The following TNRC6B variants were observed in gnomAD, a reference collection of about 807,000 sequenced individuals.
TNRC6B encodes trinucleotide repeat containing adaptor 6B.
TNRC6B carries 52 observed loss-of-function variants against 203.6 expected under a neutral mutation model. That is an observed-to-expected ratio of 0.26 (90% CI 0.20 to 0.32). The LOEUF (loss-of-function observed/expected upper bound fraction) is 0.32. Ranked by LOEUF, TNRC6B falls within the 10% of genes least tolerant of loss-of-function variation. The pLI is 1.00. For missense variants in TNRC6B, 1,923 were observed against 2,286.2 expected (o/e 0.84, Z 3.24); for synonymous variants, 838 against 845.7 (o/e 0.99, Z 0.16).
chr22:40,257,904 C>G (rs529270813), intron 3 of TNRC6B, among the ~76,000 whole-genome samples: 1 of 151,638 alleles, frequency 6.6e-6, no homozygotes, highest in South Asian at 2.1e-4. Context: ...ACGCCAGCTA[C>G]TCGGGAGGCT....
At chr22:40,316,374 A>G (rs1299138610) in intron 21 of TNRC6B, among the ~76,000 whole-genome samples, 2 of 149,266 alleles carry the variant, frequency 1.3e-5, no homozygotes, top group African/African-American at 5.0e-5. Context: ...ACAAAAAAAA[A>G]AGAGGTAAAG....
rs1342261709 is a variant in TNRC6B at position 40,332,839 on chromosome 22, A to G, written c.*9598A>G. ...TGTAAATAGCAGGATAACTTTAAAA[A>G]ACATTTTCTTTGCTGTGAAAGTAAC... On this transcript the variant is annotated 3_prime_UTR_variant, in exon 23 of 23. Coordinates refer to ENST00000454349, the MANE Select transcript of TNRC6B (RefSeq NM_001162501.2). 1 of 152,668 alleles carries G rather than the reference A, an allele frequency of 6.6e-6. No homozygotes were observed. The highest frequency in any genetic ancestry group is 1.5e-5 in the Non-Finnish European group (1 of 68,048). The allele number at this position is 152,668 out of a possible 1,614,324, so 9.5% of individuals were successfully genotyped here.
chr22:40,127,672 G>C (rs571113574), intron 3 of TNRC6B, among the ~76,000 whole-genome samples: 2 of 152,122 alleles, frequency 1.3e-5, no homozygotes, highest in Non-Finnish European at 2.9e-5. Flanking sequence ...AAGACTTCGA[G>C]ACCAGCCTAG....
At position 40,287,543 on chromosome 22, in the gene TNRC6B, C is replaced by T. The variant is rs963441985; in HGVS notation, c.3708+1773C>T. Among the ~76,000 whole-genome samples, 7 of 152,136 alleles carry T rather than the reference C, an allele frequency of 4.6e-5. No individual in the cohort carries two copies. The South Asian group carries it at 1.5e-3, about 32-fold the overall frequency. On this transcript the variant is annotated intron_variant, in intron 12 of 22. Coordinates refer to ENST00000454349, the MANE Select transcript of TNRC6B (RefSeq NM_001162501.2). ...CCCCTTGGCACCTCTCCTCTTCTTT[C>T]CCTCTAAGTTCCAGTCATCCTTCAA... is the stretch of plus-strand genomic sequence containing the variant.
chr22:40,187,733 G>A lies in TNRC6B; in HGVS notation c.5+9593G>A, dbSNP rs144589642. Among the ~76,000 whole-genome samples, 387 of 152,224 alleles carry A rather than the reference G, an allele frequency of 2.5e-3. 2 individuals are homozygous for A. The highest frequency in any genetic ancestry group is 8.1e-3 in the African/African-American group (337 of 41,530). On this transcript the variant is annotated intron_variant, in intron 1 of 22. Coordinates refer to ENST00000454349, the MANE Select transcript of TNRC6B (RefSeq NM_001162501.2). ...CACTTTTCTTATCTCACTTTTCTCC[G>A]TTTAGCCCCGTTTAGTCATTGTGTA...
At chr22:40,064,813 C>T (rs950182846) in intron 1 of TNRC6B, among the ~76,000 whole-genome samples, 16 of 151,928 alleles carry the variant, frequency 1.1e-4, no homozygotes, top group African/African-American at 3.9e-4. Context: ...GACAGGGTTT[C>T]ACCATGTTGG....
intron 1 of TNRC6B, among the ~76,000 whole-genome samples, chr22:40,092,050 G>C (rs1216175803): frequency 6.6e-6 from 1 of 152,144 alleles, no homozygotes; most frequent in Non-Finnish European, 1.5e-5. Flanking sequence ...AAAATGAAGA[G>C]TCACAAAACA....
chr22:40,241,084 G>A (rs2070022231), intron 1 of TNRC6B, among the ~76,000 whole-genome samples: 1 of 152,142 alleles, frequency 6.6e-6, no homozygotes, highest in Non-Finnish European at 1.5e-5. Flanking sequence ...ATTGACCTGG[G>A]GTACTGCCTG....
At chr22:40,074,848 C>T (rs2067991529) in intron 1 of TNRC6B, among the ~76,000 whole-genome samples, 1 of 151,482 alleles carries the variant, frequency 6.6e-6, no homozygotes, top group Admixed American at 6.6e-5. Context: ...TTTCCAGCTA[C>T]TCGGGAGGCT....
chr22:40,234,840 A>T (rs1317978818), intron 1 of TNRC6B, among the ~76,000 whole-genome samples: 1 of 152,218 alleles, frequency 6.6e-6, no homozygotes, highest in Non-Finnish European at 1.5e-5. Context: ...TTACATTAGC[A>T]TCCCATTAAA....
At chr22:40,143,083 G>T (rs1453655358) in intron 3 of TNRC6B, among the ~76,000 whole-genome samples, 2 of 152,184 alleles carry the variant, frequency 1.3e-5, no homozygotes, top group Non-Finnish European at 2.9e-5. Flanking sequence ...CAGTTGGTCA[G>T]TTGAATTTCA....
At chr22:40,103,787 C>A (rs1169728321) in intron 1 of TNRC6B, among the ~76,000 whole-genome samples, 1 of 150,740 alleles carries the variant, frequency 6.6e-6, no homozygotes, top group Non-Finnish European at 1.5e-5. Flanking sequence ...GGATTATAGG[C>A]ATGTGCCACC....
In TNRC6B at chr22:40,244,720, G is replaced by A. The variant is rs536572496; in HGVS notation, c.6-1295G>A. ...GAAACCATGGATTTGTTATCTGTTC[G>A]GTATTCTGAGGCCCTGGGAACTAGA... On this transcript the variant is annotated intron_variant, in intron 1 of 22. Transcript: ENST00000454349. Among the ~76,000 whole-genome samples the A allele has an allele frequency of 9.5e-4, 144 of 152,180 alleles. 1 individual carries two copies. The highest frequency in any genetic ancestry group is 3.2e-3 in the African/African-American group (132 of 41,528).
intron 2 of TNRC6B, among the ~76,000 whole-genome samples, chr22:40,250,907 G>C (rs1369208999): frequency 6.6e-6 from 1 of 150,496 alleles, no homozygotes; most frequent in African/African-American, 2.4e-5. Context: ...TTCTCAGTGG[G>C]ACCTCATCGT....
chr22:40,277,030 C>A, intron 7 of TNRC6B, 47 bp from the exon 8 acceptor site: 1 of 1,462,430 alleles, frequency 6.8e-7, no homozygotes, highest in Non-Finnish European at 9.2e-7. Flanking sequence ...ACTCAGGAGG[C>A]TGAAATAAAT....
chr22:40,127,015 T>C (rs2146325354), intron 3 of TNRC6B, among the ~76,000 whole-genome samples: 1 of 148,984 alleles, frequency 6.7e-6, no homozygotes, highest in Non-Finnish European at 1.5e-5. Context: ...ATATATATAA[T>C]AAATAAAATA....
At chr22:40,183,027 G>A (rs966943955) in intron 1 of TNRC6B, among the ~76,000 whole-genome samples, 1 of 151,416 alleles carries the variant, frequency 6.6e-6, no homozygotes, top group Non-Finnish European at 1.5e-5. Flanking sequence ...TGAAAGCAGA[G>A]ACCTTATCTG....
intron 12 of TNRC6B, among the ~76,000 whole-genome samples, chr22:40,299,985 T>G (rs993404090): frequency 5.3e-5 from 8 of 152,242 alleles, no homozygotes; most frequent in African/African-American, 1.7e-4. Flanking sequence ...TGTGGGTGTT[T>G]GCTATCAGAA....
At chr22:40,305,031 T>G (rs1052219908) in intron 15 of TNRC6B, among the ~76,000 whole-genome samples, 2 of 151,748 alleles carry the variant, frequency 1.3e-5, no homozygotes, top group Admixed American at 6.6e-5. Context: ...ACAGAGAGAG[T>G]GAAGGCAGGA....
Sources: allele counts gnomAD v4.1 joint callset (sites outside exome capture counted in the v4.1 genomes callset), GRCh38; gene constraint gnomAD v4.1.1; transcripts MANE v1.5; gene names NCBI Gene and HGNC (gene_info 2026-07-23, HGNC 2026-07-21).